Variants in SVIL observed in about 807,000 individuals in gnomAD.
The protein encoded by SVIL is archvillin.
SVIL carries 101 observed loss-of-function variants against 240.4 expected under a neutral mutation model. The observed-to-expected ratio is 0.42, with a 90% CI of 0.36 to 0.50. The LOEUF is 0.50. SVIL is among the 20% of genes least tolerant of loss of function. The probability of loss-of-function intolerance (pLI) is 0.01; values close to 1 mark genes in which losing one functional copy is unlikely to be tolerated. For missense variants in SVIL, 2,512 were observed against 2,818.7 expected (o/e 0.89, Z 2.46); for synonymous variants, 999 against 1,100.0 (o/e 0.91, Z 1.82).
intron 6 of SVIL, among the ~76,000 whole-genome samples, chr10:29,542,576 G>C (rs1952259698): frequency 6.6e-6 from 1 of 151,950 alleles, no homozygotes; most frequent in South Asian, 2.1e-4. Flanking sequence ...TATTTATGGG[G>C]TATCTGAGAT....
intron 4 of SVIL, 29 bp from the exon 5 acceptor site, chr10:29,554,963 G>C: frequency 6.2e-7 from 1 of 1,609,654 alleles, no homozygotes; most frequent in Non-Finnish European, 8.5e-7. Context: ...GAGGCAGAGT[G>C]AGCAACAGCG....
At chr10:29,675,703 C>G (rs752542622) in intron 2 of SVIL, among the ~76,000 whole-genome samples, 1 of 152,102 alleles carries the variant, frequency 6.6e-6, no homozygotes, top group Admixed American at 6.5e-5. Flanking sequence ...CCTTATCCAC[C>G]CTCCCAATAG....
chr10:29,720,899 T>G (rs1963931042), intron 1 of SVIL, among the ~76,000 whole-genome samples: 1 of 152,172 alleles, frequency 6.6e-6, no homozygotes, highest in African/African-American at 2.4e-5. Context: ...CAGGCTGGAG[T>G]GTAGTGGTGT....
intron 34 of SVIL, among the ~76,000 whole-genome samples, chr10:29,465,044 C>T (rs1440311454): frequency 6.6e-6 from 1 of 152,232 alleles, no homozygotes; most frequent in East Asian, 1.9e-4. Context: ...TCTCCTCTGC[C>T]ATTTGCTTCC....
chr10:29,602,177 G>C (rs535103507), intron 1 of SVIL: 33 of 473,864 alleles, frequency 7.0e-5, no homozygotes, highest in African/African-American at 5.4e-4. Flanking sequence ...TGCTGTCCAC[G>C]ACAAAAGAGT....
At chr10:29,602,743 C>T (rs1052543774) in intron 1 of SVIL, among the ~76,000 whole-genome samples, 1 of 151,924 alleles carries the variant, frequency 6.6e-6, no homozygotes, top group Non-Finnish European at 1.5e-5. Flanking sequence ...CCCAGCACTT[C>T]GGGGGGCCGA....
chr10:29,509,627 T>C (rs976071958), intron 17 of SVIL, among the ~76,000 whole-genome samples: 10 of 152,134 alleles, frequency 6.6e-5, no homozygotes, highest in African/African-American at 2.2e-4. Context: ...GGCAGGTGGA[T>C]CACCTGAGGT....
chr10:29,524,521 A>T lies in SVIL; in HGVS notation c.2537T>A (p.Met846Lys), dbSNP rs1269308025. The T allele has an allele frequency of 1.2e-6, 2 of 1,614,174 alleles. No homozygotes were observed. The highest frequency in any genetic ancestry group is 1.7e-6 in the Non-Finnish European group (2 of 1,180,030). Residue 846 changes from methionine to lysine, a missense_variant, in exon 14 of 38, where the codon ATG (methionine) becomes AAG (lysine). Transcript: ENST00000355867. Reference protein sequence around the residue: ...RNRIDTRQRRMNARYQTQPVT... With the variant: ...RNRIDTRQRRKNARYQTQPVT... ...TGGCTGAGTTTGATAGCGAGCGTTC[A>T]TTCTCCTCTGTCTCGTGTCTATTCT...
chr10:29,510,048 G>A (rs1949713406), intron 17 of SVIL, among the ~76,000 whole-genome samples: 2 of 152,100 alleles, frequency 1.3e-5, no homozygotes, highest in African/African-American at 2.4e-5. Flanking sequence ...GATCACAGTC[G>A]TGCGCTACCA....
At chr10:29,650,354 A>G (rs930054971) in intron 3 of SVIL, among the ~76,000 whole-genome samples, 2 of 152,166 alleles carry the variant, frequency 1.3e-5, no homozygotes, top group East Asian at 3.9e-4. Context: ...TGGGCAATGC[A>G]CTTTTGAGGT....
intron 1 of SVIL, among the ~76,000 whole-genome samples, chr10:29,710,337 G>A (rs4570475): frequency 0.18 from 27,779 of 152,172 alleles, 3,201 homozygotes; most frequent in East Asian, 0.33. Flanking sequence ...GATTATAGGC[G>A]TGAGCCACCA....
intron 17 of SVIL, 31 bp from the exon 18 acceptor site, chr10:29,499,294 G>A (rs755629488): frequency 6.2e-7 from 1 of 1,613,406 alleles, no homozygotes; most frequent in Non-Finnish European, 8.5e-7. Context: ...GAGAAAACAG[G>A]AGAGAGAAAT....
chr10:29,681,659 C>A (rs148363914), intron 2 of SVIL, among the ~76,000 whole-genome samples: 3 of 152,194 alleles, frequency 2.0e-5, no homozygotes, highest in African/African-American at 7.2e-5. Flanking sequence ...CTAATGATCA[C>A]GTCAGAAAAG....
intron 2 of SVIL, among the ~76,000 whole-genome samples, chr10:29,678,877 T>C (rs1269207029): frequency 6.6e-6 from 1 of 152,188 alleles, no homozygotes; most frequent in African/African-American, 2.4e-5. Flanking sequence ...TCTCCCAGCA[T>C]TGGTTTGCTT....
intron 32 of SVIL, among the ~76,000 whole-genome samples, chr10:29,468,715 G>T (rs1322739484): frequency 6.6e-6 from 1 of 151,734 alleles, no homozygotes; most frequent in Non-Finnish European, 1.5e-5. Context: ...TCAGTTCACC[G>T]TCTCTTCTAC....
At position 29,546,366 on chromosome 10, in the gene SVIL, TTC is replaced by T. The variant is rs544024388; in HGVS notation, c.827+4229_827+4230del. Among the ~76,000 whole-genome samples, 1,102 of 152,342 alleles carry T rather than the reference TTC, an allele frequency of 7.2e-3. 4 individuals are homozygous for T. Among genetic ancestry groups the T allele is most frequent in the Non-Finnish European group, 0.012 (787 of 68,028 alleles). ...TTCACCTATTTCGTTACTATGTGTA[TTC>T]TTAGTTTTCTTCAGAGCAATGTGTC... On this transcript the variant is annotated intron_variant, in intron 6 of 37. Transcript: ENST00000355867.
intron 1 of SVIL, among the ~76,000 whole-genome samples, chr10:29,601,884 C>T (rs948955945): frequency 6.6e-6 from 1 of 152,226 alleles, no homozygotes; most frequent in African/African-American, 2.4e-5. Context: ...TCTCTTTCTT[C>T]TCTTCCTCAT....
At chr10:29,529,581 A>T in intron 12 of SVIL, 124 bp downstream of exon 12, 1 of 1,183,544 alleles carries the variant, frequency 8.4e-7, no homozygotes, top group Non-Finnish European at 1.1e-6. Context: ...CCTTAGTACT[A>T]ACTTCTCTGT....
At chr10:29,557,851 G>T in intron 3 of SVIL, among the ~76,000 whole-genome samples, 1 of 152,130 alleles carries the variant, frequency 6.6e-6, no homozygotes, top group South Asian at 2.1e-4. Flanking sequence ...CCTCATCAGG[G>T]TCATGGGCTC....
Sources: allele counts gnomAD v4.1 joint callset (sites outside exome capture counted in the v4.1 genomes callset), GRCh38; gene constraint gnomAD v4.1.1; transcripts MANE v1.5; gene names NCBI Gene and HGNC (gene_info 2026-07-23, HGNC 2026-07-21).